RAB31: variants seen among roughly 807,000 people sequenced by gnomAD.
RAB31 encodes ras-related protein Rab-31.
Under a neutral mutation model 25.6 loss-of-function variants are expected in RAB31, and 21 were observed. The ratio of observed to expected loss-of-function variants is 0.82; its 90% CI spans 0.58 to 1.18. RAB31 has a LOEUF of 1.18. RAB31 is among the 50% of genes most tolerant of loss of function. The pLI is 0.00. For synonymous variants in RAB31, 87 were observed against 84.0 expected (o/e 1.04, Z -0.20); for missense variants, 196 against 250.1 (o/e 0.78, Z 1.46).
intron 1 of RAB31, among the ~76,000 whole-genome samples, chr18:9,725,790 G>A (rs2045228): frequency 0.69 from 104,877 of 152,172 alleles, 36,338 homozygotes; most frequent in African/African-American, 0.73. Flanking sequence ...GGAGTTACAG[G>A]TAACTGTTTG....
Position 9,859,502 on chromosome 18 carries a change from G to A in RAB31, c.*177G>A. 2.1e-6 allele frequency: 1 copy of A among 482,930 alleles called. No homozygotes were observed. The allele number at this position is 482,930 out of a possible 1,614,324, so 29.9% of individuals were successfully genotyped here. On this transcript the variant is annotated 3_prime_UTR_variant, in exon 7 of 7. Transcript: ENST00000578921. ...GGAAATGTACCTGAAAAGGATTTTA[G>A]AAAACCCTGGGAAAACCCACCACAC...
At chr18:9,774,613 T>C (rs2068362441) in intron 1 of RAB31, among the ~76,000 whole-genome samples, 1 of 152,242 alleles carries the variant, frequency 6.6e-6, no homozygotes. Context: ...TTTGTGTCTT[T>C]TATTTCTTAA....
At chr18:9,850,193 T>C (rs969935297) in intron 6 of RAB31, among the ~76,000 whole-genome samples, 4 of 152,188 alleles carry the variant, frequency 2.6e-5, no homozygotes, top group African/African-American at 9.6e-5. Flanking sequence ...ATGAGGAGGA[T>C]TGGCATAGGA....
chr18:9,756,522 G>A (rs1031419439), intron 1 of RAB31, among the ~76,000 whole-genome samples: 3 of 148,208 alleles, frequency 2.0e-5, no homozygotes, highest in Admixed American at 1.3e-4. Context: ...CTTGGCAGTC[G>A]GCAAAGCCTT....
intron 5 of RAB31, among the ~76,000 whole-genome samples, chr18:9,831,737 ATTGCATAAGTAATGTCACTTTCTAC>A (rs1016959704): frequency 2.6e-5 from 4 of 152,236 alleles, no homozygotes; most frequent in African/African-American, 9.6e-5. Flanking sequence ...TCCCCAAGGC[ATTGCATAAGTAATGTCACTTTCTAC>A]TTGCACAGCA....
At chr18:9,801,457 A>G (rs936024297) in intron 3 of RAB31, among the ~76,000 whole-genome samples, 2 of 151,788 alleles carry the variant, frequency 1.3e-5, no homozygotes, top group African/African-American at 4.8e-5. Flanking sequence ...GATTTTTTGT[A>G]TTTTTAGTAG....
chr18:9,810,600 C>T (rs1284231705), intron 3 of RAB31, among the ~76,000 whole-genome samples: 1 of 152,132 alleles, frequency 6.6e-6, no homozygotes, highest in South Asian at 2.1e-4. Flanking sequence ...AAAGCGATTC[C>T]ATTTGGAGGA....
At chr18:9,810,105 C>G (rs1005740265) in intron 3 of RAB31, among the ~76,000 whole-genome samples, 1 of 152,200 alleles carries the variant, frequency 6.6e-6, no homozygotes. Context: ...TGTGCCGTTT[C>G]TAAATAATTG....
At chr18:9,789,924 G>A (rs972769154) in intron 2 of RAB31, among the ~76,000 whole-genome samples, 17 of 152,158 alleles carry the variant, frequency 1.1e-4, no homozygotes, top group Non-Finnish European at 1.2e-4. Flanking sequence ...GGTTTTTGTG[G>A]GGATAGTGTG....
intron 2 of RAB31, chr18:9,787,851 A>C (rs190445561): frequency 6.6e-6 from 1 of 152,250 alleles, no homozygotes; most frequent in Non-Finnish European, 1.5e-5. Flanking sequence ...AACCACAGAA[A>C]TGTAATGTGC....
chr18:9,720,674 CTT>C (rs796200232), intron 1 of RAB31, among the ~76,000 whole-genome samples: 91 of 133,920 alleles, frequency 6.8e-4, no homozygotes, highest in Non-Finnish European at 6.5e-4. Context: ...GTAATTTTCT[CTT>C]TTTTTTTTTT....
At chr18:9,763,063 T>A (rs936391780) in intron 1 of RAB31, among the ~76,000 whole-genome samples, 1 of 152,250 alleles carries the variant, frequency 6.6e-6, no homozygotes, top group Admixed American at 6.5e-5. Flanking sequence ...ACAGTGTTTT[T>A]AAATATTACA....
chr18:9,737,323 C>G (rs552361998), intron 1 of RAB31, among the ~76,000 whole-genome samples: 1 of 152,018 alleles, frequency 6.6e-6, no homozygotes, highest in Non-Finnish European at 1.5e-5. Context: ...ACACACACAC[C>G]CCCACACCCA....
At chr18:9,784,214 TC>T (rs1206582810) in intron 2 of RAB31, among the ~76,000 whole-genome samples, 14 of 151,414 alleles carry the variant, frequency 9.2e-5, no homozygotes, top group Non-Finnish European at 1.5e-5. Context: ...TTTTTTTTTT[TC>T]TTTTGTAGAG....
At chr18:9,858,582 T>C (rs957374340) in intron 6 of RAB31, among the ~76,000 whole-genome samples, 3 of 152,208 alleles carry the variant, frequency 2.0e-5, no homozygotes, top group Non-Finnish European at 1.5e-5. Context: ...TGTTTATTTA[T>C]AGAGACTTTC....
At chr18:9,738,939 C>T (rs76676560) in intron 1 of RAB31, among the ~76,000 whole-genome samples, 137 of 152,282 alleles carry the variant, frequency 9.0e-4, no homozygotes, top group East Asian at 7.3e-3. Flanking sequence ...CGCTGGTGTC[C>T]GCTGAAGAAT....
intron 1 of RAB31, among the ~76,000 whole-genome samples, chr18:9,750,514 G>A (rs560101923): frequency 6.6e-6 from 1 of 152,284 alleles, no homozygotes; most frequent in South Asian, 2.1e-4. Flanking sequence ...AGAGGTGCCG[G>A]CAGTTGCATG....
chr18:9,760,071 TA>T (rs1246873787), intron 1 of RAB31, among the ~76,000 whole-genome samples: 1 of 152,220 alleles, frequency 6.6e-6, no homozygotes, highest in Non-Finnish European at 1.5e-5. Flanking sequence ...ATTTTAATTT[TA>T]TTTTTTTAAC....
In RAB31 at chr18:9,858,239, G is replaced by A. The variant is rs555432409; in HGVS notation, c.491-989G>A. ...CCTTCAGCAAAGTGCTCAAGTTCTCGAGTCACAGTGAAATGGTGATAATAA... is the reference window on the plus strand; with the variant it reads ...CCTTCAGCAAAGTGCTCAAGTTCTCAAGTCACAGTGAAATGGTGATAATAA... On this transcript the variant is annotated intron_variant, in intron 6 of 6. Coordinates refer to ENST00000578921, the MANE Select transcript of RAB31 (RefSeq NM_006868.4). 1.8e-4 allele frequency among the ~76,000 whole-genome samples: 28 copies of A among 152,252 alleles called. 1 individual carries two copies. The South Asian group carries it at 4.6e-3, about 25-fold the overall frequency.
Sources: gnomAD v4.1 joint callset for allele counts (sites outside exome capture counted in the v4.1 genomes callset) on GRCh38, gnomAD v4.1.1 for gene constraint, MANE v1.5 for transcripts, NCBI Gene and HGNC (gene_info 2026-07-23, HGNC 2026-07-21) for gene names.